The following HOXC4 variants were observed in gnomAD, a reference collection of about 807,000 sequenced individuals.
HOXC4 encodes the protein homeobox protein Hox-C4.
HOXC4 carries 15 observed loss-of-function variants against 25.5 expected under a neutral mutation model. That is an observed-to-expected ratio of 0.59 (90% CI 0.39 to 0.91). The LOEUF is 0.91. Among genes scored for constraint, HOXC4 ranks in the 40% least tolerant of loss-of-function variants. HOXC4 has a pLI of 0.00. For synonymous variants in HOXC4, 165 were observed against 148.0 expected (o/e 1.11, Z -0.83); for missense variants, 342 against 352.4 (o/e 0.97, Z 0.24).
intron 1 of HOXC4, among the ~76,000 whole-genome samples, chr12:54,018,376 G>A (rs1019086740): frequency 1.3e-5 from 2 of 152,232 alleles, no homozygotes; most frequent in African/African-American, 4.8e-5. Flanking sequence ...GAAGGCCCTA[G>A]GCTGGGCGGG....
intron 1 of HOXC4, chr12:54,029,661 G>C (rs752213049): frequency 3.1e-6 from 5 of 1,612,178 alleles, no homozygotes; most frequent in Admixed American, 1.7e-5. Context: ...TTAGGGGTCG[G>C]CTACGGAGCG....
Position 54,054,251 on chromosome 12 carries a change from C to G in HOXC4, c.329C>G (p.Pro110Arg), listed in dbSNP as rs941810838. The G allele has an allele frequency of 1.9e-6, 3 of 1,610,744 alleles. No individual in the cohort carries two copies. Among genetic ancestry groups the G allele is most frequent in the African/African-American group, 1.3e-5 (1 of 74,974 alleles). ...PAPLSGASAS[P>R]SPAPPACSQP... ...CCTCTCTCAGGCGCCTCCGCCTCCCCGTCCCCAGCCCCGCCAGCCTGCAGC... is the reference window on the plus strand; with the variant it reads ...CCTCTCTCAGGCGCCTCCGCCTCCCGGTCCCCAGCCCCGCCAGCCTGCAGC... The change falls in exon 1 of 2, where the codon CCG becomes CGG. Residue 110 changes from proline (P) to arginine (R), a missense_variant. Transcript: ENST00000430889.
chr12:54,052,569 T>TGG (rs760468397), upstream of HOXC4, among the ~76,000 whole-genome samples: 6,665 of 125,498 alleles, frequency 0.053, 285 homozygotes, highest in African/African-American at 0.078. Flanking sequence ...CACCCCTAGC[T>TGG]GGGGGGGGGG....
intron 1 of HOXC4, among the ~76,000 whole-genome samples, chr12:54,025,441 G>A (rs1940648187): frequency 6.7e-6 from 1 of 149,142 alleles, no homozygotes. Flanking sequence ...CCCTTGGAGC[G>A]AATCCTTTCA....
chr12:54,032,001 G>A (rs1447621519), intron 1 of HOXC4, among the ~76,000 whole-genome samples: 1 of 152,174 alleles, frequency 6.6e-6, no homozygotes, highest in Non-Finnish European at 1.5e-5. Flanking sequence ...CCTCTGCCAT[G>A]CTCACGTAAT....
intron 1 of HOXC4, among the ~76,000 whole-genome samples, chr12:54,018,076 T>C (rs1940241826): frequency 6.6e-6 from 1 of 151,616 alleles, no homozygotes; most frequent in Non-Finnish European, 1.5e-5. Context: ...GAGGAGAGCG[T>C]CTGCCCACCC....
Position 54,054,098 on chromosome 12 carries a change from G to A in HOXC4, c.176G>A (p.Arg59His), listed in dbSNP as rs1937911355. 2 of 1,613,906 alleles carry A rather than the reference G, an allele frequency of 1.2e-6. No homozygotes were observed. The highest frequency in any genetic ancestry group is 1.7e-6 in the Non-Finnish European group (2 of 1,179,956). The change falls in exon 1 of 2, where the codon CGC becomes CAC. Residue 59 changes from arginine to histidine, a missense_variant. Coordinates refer to ENST00000430889, the MANE Select transcript of HOXC4 (RefSeq NM_153633.3). ...HQELYPPPPP[R>H]PSYPERQYSC... ...GAGCTGTACCCACCACCGCCTCCGC[G>A]CCCTAGCTACCCTGAGCGCCAGTAT...
chr12:54,054,332 C>A lies in HOXC4; in HGVS notation c.410C>A (p.Pro137Gln). Residue 137 changes from proline to glutamine, a missense_variant, in exon 1 of 2, where the codon CCA (proline) becomes CAA (glutamine). Physicochemically the swap from Pro to Gln is moderately conservative, Grantham distance 76. Coordinates refer to ENST00000430889, the MANE Select transcript of HOXC4 (RefSeq NM_153633.3). The stretch of plus-strand genomic sequence containing the variant: ...GCCAGCAAGCAACCCATAGTCTACC[C>A]ATGGATGAAAAAAATTCACGTTAGC... The part of the protein sequence containing the change: ...SAASKQPIVY[P>Q]WMKKIHVSTV... The A allele has an allele frequency of 5.1e-6, 8 of 1,573,238 alleles. No individual in the cohort carries two copies. Among genetic ancestry groups the A allele is most frequent in the Non-Finnish European group, 6.9e-6 (8 of 1,161,628 alleles).
At chr12:54,037,240 TC>T (rs1011107328) in intron 1 of HOXC4, among the ~76,000 whole-genome samples, 33 of 152,306 alleles carry the variant, frequency 2.2e-4, no homozygotes, top group African/African-American at 7.2e-4. Flanking sequence ...ATCCCTGATT[TC>T]TCCCTGAACA....
chr12:54,044,217 G>T (rs979588584), intron 1 of HOXC4, among the ~76,000 whole-genome samples: 1 of 151,990 alleles, frequency 6.6e-6, no homozygotes, highest in African/African-American at 2.4e-5. Flanking sequence ...ACTTCCCCAA[G>T]CCCACCTGAG....
Position 54,028,944 on chromosome 12 carries a change from A to G in HOXC4, c.-124+11530A>G, listed in dbSNP as rs367798571. On this transcript the variant is annotated intron_variant, in intron 1 of 3. Transcript: ENST00000303406. Reference sequence around the variant, plus strand: ...GTGGTGAGTTTTACAGCTCCGAGATATAAATTAAATAAACTGAACTGGCTT... The same window carrying G: ...GTGGTGAGTTTTACAGCTCCGAGATGTAAATTAAATAAACTGAACTGGCTT... 23 of 1,579,630 alleles carry G rather than the reference A, an allele frequency of 1.5e-5. No individual in the cohort carries two copies. In the African/African-American group the frequency reaches 2.8e-4, roughly 20 times the overall value.
intron 1 of HOXC4, among the ~76,000 whole-genome samples, chr12:54,028,147 G>A (rs1474808216): frequency 1.3e-5 from 2 of 152,016 alleles, no homozygotes; most frequent in Admixed American, 6.5e-5. Context: ...AGTTAGCTGG[G>A]GCTGAGAGAT....
rs192776611 is a variant in HOXC4, at chr12:54,038,969, G to A, written c.-123-14191G>A. ...GTTTCTAGGAAGGAGCAGCAGAAGC[G>A]TTGGGCATGAGAGGCACATGTCTTC... On this transcript the variant is annotated intron_variant, in intron 1 of 3. Transcript: ENST00000303406. 9.7e-4 allele frequency among the ~76,000 whole-genome samples: 148 copies of A among 152,272 alleles called. 2 individuals are homozygous for A. Among genetic ancestry groups the A allele is most frequent in the Admixed American group, 6.7e-3 (102 of 15,304 alleles).
intron 1 of HOXC4, chr12:54,033,805 G>A: frequency 1.8e-6 from 1 of 570,968 alleles, no homozygotes; most frequent in Non-Finnish European, 3.1e-6. Flanking sequence ...AATTTTTGGG[G>A]GAGAGGGAGG....
intron 1 of HOXC4, chr12:54,028,438 C>T (rs767009036): frequency 1.9e-5 from 28 of 1,449,392 alleles, no homozygotes; most frequent in Non-Finnish European, 2.4e-5. Flanking sequence ...GGAGCCGTCC[C>T]TATAACCATC....
At chr12:54,020,051 C>G (rs1940360706) in intron 1 of HOXC4, 1 of 152,340 alleles carries the variant, frequency 6.6e-6, no homozygotes, top group South Asian at 2.1e-4. Flanking sequence ...ATTTTCTTTC[C>G]CTTCTCCTTC....
intron 1 of HOXC4, chr12:54,033,236 C>A: frequency 1.2e-6 from 2 of 1,614,208 alleles, no homozygotes; most frequent in Non-Finnish European, 1.7e-6. Context: ...CATCCAGGTA[C>A]TGCTACGGCG....
chr12:54,029,944 G>A (rs1940919590), intron 1 of HOXC4: 2 of 1,585,688 alleles, frequency 1.3e-6, no homozygotes, highest in East Asian at 2.2e-5. Context: ...AGACAGAAGA[G>A]GAGAAGCAGA....
At chr12:54,054,829 T>C in intron 1 of HOXC4, 21 bp from the exon 2 acceptor site, 2 of 1,557,546 alleles carry the variant, frequency 1.3e-6, no homozygotes, top group Non-Finnish European at 1.8e-6. Context: ...ACCCCACTAT[T>C]TGCTTTTCCC....
Sources: gnomAD v4.1 joint callset for allele counts (sites outside exome capture counted in the v4.1 genomes callset) on GRCh38, gnomAD v4.1.1 for gene constraint, MANE v1.5 for transcripts, NCBI Gene and HGNC (gene_info 2026-07-23, HGNC 2026-07-21) for gene names.